Variants in B3GALT1 observed in about 807,000 individuals in gnomAD.
B3GALT1 encodes beta-1,3-galactosyltransferase 1.
Under a neutral mutation model 23.2 loss-of-function variants are expected in B3GALT1, and 10 were observed. The observed-to-expected ratio is 0.43, with a 90% CI of 0.27 to 0.73. The LOEUF is 0.73. B3GALT1 is among the 30% of genes least tolerant of loss of function. The pLI, the probability that B3GALT1 is intolerant of heterozygous loss-of-function variation, is 0.21. For missense variants in B3GALT1, 299 were observed against 405.4 expected, an observed-to-expected ratio of 0.74 and a Z score of 2.25; for synonymous variants, 156 against 141.5, an observed-to-expected ratio of 1.10 and a Z score of -0.73.
chr2:167,528,955 G>C (rs774762831), intron 2 of B3GALT1, among the ~76,000 whole-genome samples: 1 of 152,038 alleles, frequency 6.6e-6, no homozygotes, highest in Non-Finnish European at 1.5e-5. Context: ...AGCTCTGTCT[G>C]TGCTTCCTGT....
intron 4 of B3GALT1, among the ~76,000 whole-genome samples, chr2:167,823,313 G>A (rs1038206243): frequency 6.6e-6 from 1 of 152,164 alleles, no homozygotes. Context: ...TTCTAAGTGT[G>A]TGCTTGAGTG....
At chr2:167,645,987 C>T (rs528044204) in intron 2 of B3GALT1, among the ~76,000 whole-genome samples, 2 of 152,218 alleles carry the variant, frequency 1.3e-5, no homozygotes, top group South Asian at 4.2e-4. Flanking sequence ...GCAGAAGTGA[C>T]TTCTGAGTAA....
chr2:167,481,453 TAAAAC>T (rs1699563211), intron 1 of B3GALT1, among the ~76,000 whole-genome samples: 2 of 152,220 alleles, frequency 1.3e-5, no homozygotes, highest in South Asian at 4.1e-4. Context: ...GTTCCTCCGT[TAAAAC>T]AAAATTAATG....
intron 1 of B3GALT1, among the ~76,000 whole-genome samples, chr2:167,305,098 A>T (rs554790242): frequency 6.6e-6 from 1 of 152,314 alleles, no homozygotes; most frequent in South Asian, 2.1e-4. Context: ...AGGCACACCT[A>T]GAAATGTTTT....
intron 4 of B3GALT1, among the ~76,000 whole-genome samples, chr2:167,845,800 G>A (rs1021680931): frequency 1.3e-5 from 2 of 151,904 alleles, no homozygotes; most frequent in Non-Finnish European, 1.5e-5. Context: ...CATTCAGGAG[G>A]TTAACTAGGG....
chr2:167,566,467 A>G (rs1197159337), intron 2 of B3GALT1, among the ~76,000 whole-genome samples: 1 of 152,034 alleles, frequency 6.6e-6, no homozygotes, highest in East Asian at 1.9e-4. Flanking sequence ...TAACCTGCAC[A>G]TTGTGCACAT....
intron 1 of B3GALT1, among the ~76,000 whole-genome samples, chr2:167,396,739 A>G (rs1698105390): frequency 6.6e-6 from 1 of 152,036 alleles, no homozygotes; most frequent in Non-Finnish European, 1.5e-5. Flanking sequence ...CTAAGTGTAC[A>G]TGAAGCCCAG....
At chr2:167,302,972 C>T (rs1236719109) in intron 1 of B3GALT1, among the ~76,000 whole-genome samples, 4 of 152,066 alleles carry the variant, frequency 2.6e-5, no homozygotes, top group Admixed American at 6.5e-5. Context: ...AGCATAAATA[C>T]GTTATCTTGT....
chr2:167,817,009 T>G (rs974792744), intron 3 of B3GALT1, among the ~76,000 whole-genome samples: 1 of 152,220 alleles, frequency 6.6e-6, no homozygotes, highest in Non-Finnish European at 1.5e-5. Flanking sequence ...TTTGCTTTGG[T>G]ATTTGACTTG....
chr2:167,631,800 T>C (rs1685452794), intron 2 of B3GALT1, among the ~76,000 whole-genome samples: 2 of 150,594 alleles, frequency 1.3e-5, no homozygotes, highest in Non-Finnish European at 3.0e-5. Context: ...CTTAATCTCT[T>C]TTTTTATTAT....
chr2:167,457,802 A>C (rs1699194372), intron 1 of B3GALT1, among the ~76,000 whole-genome samples: 1 of 152,102 alleles, frequency 6.6e-6, no homozygotes, highest in African/African-American at 2.4e-5. Context: ...CACCGGCAGC[A>C]CCTGAGAATT....
chr2:167,524,341 T>G (rs1441512897), intron 2 of B3GALT1, among the ~76,000 whole-genome samples: 1 of 152,192 alleles, frequency 6.6e-6, no homozygotes, highest in South Asian at 2.1e-4. Flanking sequence ...TTATTGTAAA[T>G]AGCAGGTTAA....
chr2:167,440,222 A>T (rs2105312346), intron 1 of B3GALT1, among the ~76,000 whole-genome samples: 1 of 151,832 alleles, frequency 6.6e-6, no homozygotes, highest in Non-Finnish European at 1.5e-5. Flanking sequence ...GGGCGCCTGT[A>T]GTCCCAGCTA....
At chr2:167,518,035 A>C (rs1468097445) in intron 2 of B3GALT1, among the ~76,000 whole-genome samples, 1 of 152,126 alleles carries the variant, frequency 6.6e-6, no homozygotes, top group Non-Finnish European at 1.5e-5. Context: ...AACAACAACA[A>C]CAAAAAAAAT....
At chr2:167,494,268 T>G (rs1699748576) in intron 2 of B3GALT1, among the ~76,000 whole-genome samples, 1 of 151,874 alleles carries the variant, frequency 6.6e-6, no homozygotes, top group Non-Finnish European at 1.5e-5. Context: ...GCAATACAGT[T>G]GCATCTATAT....
chr2:167,660,512 CA>C (rs1373677750), intron 3 of B3GALT1, among the ~76,000 whole-genome samples: 1 of 152,046 alleles, frequency 6.6e-6, no homozygotes, highest in Non-Finnish European at 1.5e-5. Context: ...TTTAAGGTCT[CA>C]GGGGCCTGAG....
intron 3 of B3GALT1, among the ~76,000 whole-genome samples, chr2:167,789,271 G>A (rs962922772): frequency 6.6e-6 from 1 of 152,184 alleles, no homozygotes; most frequent in South Asian, 2.1e-4. Context: ...ACAGTCCTGA[G>A]CTCATTATTT....
chr2:167,848,931 C>G (rs1167230686), intron 4 of B3GALT1, among the ~76,000 whole-genome samples: 1 of 151,848 alleles, frequency 6.6e-6, no homozygotes, highest in Non-Finnish European at 1.5e-5. Flanking sequence ...CTTCCATACA[C>G]CAACAGCAAC....
chr2:167,702,544 G>T (rs1022987522), intron 3 of B3GALT1, among the ~76,000 whole-genome samples: 2 of 152,120 alleles, frequency 1.3e-5, no homozygotes, highest in African/African-American at 4.8e-5. Flanking sequence ...TCCAGATATT[G>T]ATTTCAGAGG....
Sources: gnomAD v4.1 joint callset for allele counts (sites outside exome capture counted in the v4.1 genomes callset) on GRCh38, gnomAD v4.1.1 for gene constraint, MANE v1.5 for transcripts, NCBI Gene and HGNC (gene_info 2026-07-23, HGNC 2026-07-21) for gene names.